SMARCD1: variants seen among roughly 807,000 people sequenced by gnomAD.
The protein encoded by SMARCD1 is SWI/SNF-related matrix-associated actin-dependent regulator of chromatin subfamily D member 1.
SMARCD1 carries 16 observed loss-of-function variants against 70.8 expected under a neutral mutation model. That is an observed-to-expected ratio of 0.23 (90% CI 0.15 to 0.34). The LOEUF is 0.34. Ranked by LOEUF, SMARCD1 falls within the 10% of genes least tolerant of loss-of-function variation. The pLI is 1.00. For synonymous variants in SMARCD1, 249 were observed against 246.0 expected, an observed-to-expected ratio of 1.01 and a Z score of -0.11; for missense variants, 409 against 655.5, an observed-to-expected ratio of 0.62 and a Z score of 4.11.
chr12:50,088,588 T>G lies in SMARCD1; in HGVS notation c.722T>G (p.Val241Gly), dbSNP rs1380178581. Residue 241 changes from valine (V) to glycine (G), a missense_variant, in exon 6 of 13, where the codon GTG (valine) becomes GGG (glycine). Val to Gly is a moderately radical substitution (Grantham distance 109). Transcript: ENST00000394963. ...RKFSSFFKSLVIELDKDLYGP... is the reference protein window; with the variant it reads ...RKFSSFFKSLGIELDKDLYGP... ...TTCTCTTCCTTTTTTAAGTCCTTGG[T>G]GATTGAACTGGACAAAGACCTGTAT... The G allele has an allele frequency of 6.2e-7, 1 of 1,611,960 alleles. No individual in the cohort carries two copies. The highest frequency in any genetic ancestry group is 8.5e-7 in the Non-Finnish European group (1 of 1,178,552).
At chr12:50,098,673 C>G in intron 11 of SMARCD1, 41 bp from the exon 12 acceptor site, 1 of 1,496,092 alleles carries the variant, frequency 6.7e-7, no homozygotes, top group Non-Finnish European at 9.3e-7. Context: ...CAAGCCTTTT[C>G]TCCTCTCTCT....
intron 1 of SMARCD1, 32 bp from the exon 2 acceptor site, chr12:50,086,129 C>T: frequency 6.9e-7 from 1 of 1,442,850 alleles, no homozygotes; most frequent in Non-Finnish European, 9.2e-7. Context: ...CAGGTGAAAC[C>T]ATGACATCTC....
At chr12:50,086,693 G>T in intron 3 of SMARCD1, 30 bp downstream of exon 3, 2 of 1,614,052 alleles carry the variant, frequency 1.2e-6, no homozygotes, top group Non-Finnish European at 1.7e-6. Context: ...CTTCTGGAAA[G>T]TGTGGTGAGT....
intron 10 of SMARCD1, among the ~76,000 whole-genome samples, chr12:50,094,939 A>G (rs559866273): frequency 6.6e-6 from 1 of 152,280 alleles, no homozygotes; most frequent in Admixed American, 6.5e-5. Flanking sequence ...CTGGGATTAC[A>G]GTCACCCACC....
chr12:50,096,632 T>C (rs775493552), intron 10 of SMARCD1: 2 of 479,764 alleles, frequency 4.2e-6, no homozygotes, highest in Non-Finnish European at 7.5e-6. Flanking sequence ...AGGAAAGCTT[T>C]CCTCACATGG....
At chr12:50,086,007 G>A in intron 1 of SMARCD1, 154 bp from the exon 2 acceptor site, 1 of 481,146 alleles carries the variant, frequency 2.1e-6, no homozygotes, top group Non-Finnish European at 3.5e-6. Flanking sequence ...TTTCTATGGA[G>A]TCACTACTGG....
chr12:50,090,916 C>T (rs570611566), intron 9 of SMARCD1, among the ~76,000 whole-genome samples: 69 of 148,106 alleles, frequency 4.7e-4, no homozygotes, highest in African/African-American at 1.7e-3. Flanking sequence ...GCTCCGCCTC[C>T]TGGGTTCACG....
At chr12:50,090,769 C>T (rs1249611817) in intron 9 of SMARCD1, among the ~76,000 whole-genome samples, 179 bp downstream of exon 9, 1 of 147,880 alleles carries the variant, frequency 6.8e-6, no homozygotes, top group Non-Finnish European at 1.5e-5. Flanking sequence ...AAGTGGGTAA[C>T]ATATATTCAA....
chr12:50,098,552 A>G (rs1950912434), intron 11 of SMARCD1, 162 bp from the exon 12 acceptor site: 1 of 620,788 alleles, frequency 1.6e-6, no homozygotes, highest in Admixed American at 2.7e-5. Context: ...GAGCATCTGT[A>G]GAGACCCTAT....
rs1360977618 is a variant in SMARCD1 at position 50,100,113 on chromosome 12, C to A, written c.*1113C>A. On this transcript the variant is annotated 3_prime_UTR_variant, in exon 13 of 13. Coordinates refer to ENST00000394963, the MANE Select transcript of SMARCD1 (RefSeq NM_003076.5). The stretch of plus-strand genomic sequence containing the variant: ...CAGACCCCTCAGGTAGCAGCAGGAC[C>A]TTGTGATCTTGGCCCCTTGGATCTG... 6.5e-6 allele frequency: 1 copy of A among 152,716 alleles called. No homozygotes were observed. Among genetic ancestry groups the A allele is most frequent in the African/African-American group, 2.4e-5 (1 of 41,458 alleles). 9.5% of individuals were successfully genotyped at this position (152,716 alleles called of 1,614,324 possible). A position where few individuals can be genotyped will look rare whatever the true frequency, so the allele number is the denominator to read the frequency against.
intron 10 of SMARCD1, among the ~76,000 whole-genome samples, chr12:50,095,607 G>A (rs1289914341): frequency 3.9e-5 from 6 of 151,942 alleles, no homozygotes; most frequent in African/African-American, 1.2e-4. Context: ...GATCACAGGC[G>A]TGAGCCACCG....
chr12:50,089,967 A>G lies in SMARCD1; in HGVS notation c.855A>G (p.Leu285=), dbSNP rs748450968. ...ACGTGAATGTACGGTGTACTGTCCT[A>G]CTGATGCTGGATTACCAGGTATTCT... ...PGDVNVRCTV[L]LMLDYQPPQF... The change falls in exon 7 of 13, where the codon CTA becomes CTG. Residue 285 remains leucine (L), a synonymous_variant. Coordinates refer to ENST00000394963, the MANE Select transcript of SMARCD1 (RefSeq NM_003076.5). 5.6e-6 allele frequency: 9 copies of G among 1,613,752 alleles called. No individual in the cohort carries two copies. The highest frequency in any genetic ancestry group is 3.3e-5 in the South Asian group (3 of 91,070).
At chr12:50,086,962 C>G in intron 4 of SMARCD1, 84 bp downstream of exon 4, 1 of 1,348,252 alleles carries the variant, frequency 7.4e-7, no homozygotes, top group Non-Finnish European at 1.0e-6. Context: ...ATCAAAGGCA[C>G]AGCACAACTC....
intron 7 of SMARCD1, 76 bp downstream of exon 7, chr12:50,090,061 G>A (rs2137882811): frequency 1.4e-6 from 2 of 1,386,808 alleles, no homozygotes; most frequent in South Asian, 2.4e-5. Context: ...AAGAGTTTAT[G>A]TCTAGTTGTG....
At chr12:50,095,606 C>T (rs866933345) in intron 10 of SMARCD1, among the ~76,000 whole-genome samples, 1 of 147,136 alleles carries the variant, frequency 6.8e-6, no homozygotes, top group Non-Finnish European at 1.5e-5. Flanking sequence ...GGATCACAGG[C>T]GTGAGCCACC....
chr12:50,095,783 G>A (rs1005633772), intron 10 of SMARCD1, among the ~76,000 whole-genome samples: 4 of 152,226 alleles, frequency 2.6e-5, no homozygotes, highest in Non-Finnish European at 5.9e-5. Flanking sequence ...AAAGAAGTAC[G>A]AGCCATTTAG....
At position 50,099,425 on chromosome 12, in the gene SMARCD1, A is replaced by G. The variant is rs887291988; in HGVS notation, c.*425A>G. On this transcript the variant is annotated 3_prime_UTR_variant, in exon 13 of 13. Coordinates refer to ENST00000394963, the MANE Select transcript of SMARCD1 (RefSeq NM_003076.5). ...CAAGACTCAGGCCTGTGGGCACTCT[A>G]TAAGCTAGTTGATCTTGGCTCTCCT... The G allele has an allele frequency of 5.5e-5, 23 of 421,246 alleles. No homozygotes were observed. The highest frequency in any genetic ancestry group is 2.2e-4 in the African/African-American group (11 of 49,400). The allele number at this position is 421,246 out of a possible 1,614,324, so 26.1% of individuals were successfully genotyped here.
intron 6 of SMARCD1, chr12:50,089,220 C>A (rs1316347380): frequency 6.6e-6 from 1 of 152,350 alleles, no homozygotes; most frequent in African/African-American, 2.4e-5. Flanking sequence ...TCCAAGTGAA[C>A]CTAACCTGCT....
At chr12:50,093,180 A>T (rs536025570) in intron 9 of SMARCD1, among the ~76,000 whole-genome samples, 1 of 152,088 alleles carries the variant, frequency 6.6e-6, no homozygotes, top group Non-Finnish European at 1.5e-5. Flanking sequence ...CATCTAAAAA[A>T]AAAAAGAAAG....
Sources: allele counts gnomAD v4.1 joint callset (sites outside exome capture counted in the v4.1 genomes callset), GRCh38; gene constraint gnomAD v4.1.1; transcripts MANE v1.5; gene names NCBI Gene and HGNC (gene_info 2026-07-23, HGNC 2026-07-21).